Variants in KCNMB2 observed in about 807,000 individuals in gnomAD.
KCNMB2 encodes potassium calcium-activated channel subfamily M regulatory beta subunit 2, also known as calcium-activated potassium channel subunit beta-2.
KCNMB2 carries 9 observed loss-of-function variants against 24.5 expected under a neutral mutation model. The observed-to-expected ratio is 0.37, with a 90% CI of 0.22 to 0.64. The LOEUF (loss-of-function observed/expected upper bound fraction) is 0.64. Among genes scored for constraint, KCNMB2 ranks in the 30% least tolerant of loss-of-function variants. The pLI is 0.63. For missense variants in KCNMB2, 226 were observed against 284.3 expected, an observed-to-expected ratio of 0.79 and a Z score of 1.47; for synonymous variants, 109 against 104.4, an observed-to-expected ratio of 1.04 and a Z score of -0.27.
At chr3:178,681,633 G>A (rs901766178) in intron 1 of KCNMB2, among the ~76,000 whole-genome samples, 2 of 152,146 alleles carry the variant, frequency 1.3e-5, no homozygotes, top group Admixed American at 6.5e-5. Context: ...TTTGTCCAAG[G>A]TCCTACTGCT....
At chr3:178,679,704 C>A (rs773965885) in intron 1 of KCNMB2, among the ~76,000 whole-genome samples, 1 of 152,076 alleles carries the variant, frequency 6.6e-6, no homozygotes, top group Non-Finnish European at 1.5e-5. Flanking sequence ...AAGTTCATGT[C>A]CACTTGCCCT....
chr3:178,566,426 G>A (rs1716521609), intron 1 of KCNMB2, among the ~76,000 whole-genome samples: 1 of 151,744 alleles, frequency 6.6e-6, no homozygotes, highest in African/African-American at 2.4e-5. Context: ...ACGCACACTT[G>A]CACATGTGCA....
intron 1 of KCNMB2, among the ~76,000 whole-genome samples, chr3:178,773,387 C>A (rs946042562): frequency 1.3e-5 from 2 of 151,952 alleles, no homozygotes; most frequent in Non-Finnish European, 2.9e-5. Context: ...GTATTTATAG[C>A]AGTAAATGCT....
intron 1 of KCNMB2, among the ~76,000 whole-genome samples, chr3:178,758,675 T>G (rs373892483): frequency 2.3e-4 from 4 of 17,486 alleles, no homozygotes; most frequent in East Asian, 3.2e-3. Flanking sequence ...TCCAAGAGGA[T>G]ATATATATAT....
At chr3:178,571,463 T>TATATAC (rs1378709814) in intron 1 of KCNMB2, among the ~76,000 whole-genome samples, 1 of 118,224 alleles carries the variant, frequency 8.5e-6, no homozygotes, top group Non-Finnish European at 1.8e-5. Flanking sequence ...TATATATATA[T>TATATAC]ATATATATAT....
intron 4 of KCNMB2, among the ~76,000 whole-genome samples, chr3:178,830,802 A>T (rs1425996258): frequency 6.6e-6 from 1 of 152,156 alleles, no homozygotes; most frequent in East Asian, 1.9e-4. Context: ...TACATTCAAT[A>T]TAGGAATCAT....
chr3:178,760,339 TCCTTCGTTAC>T (rs1711780715), intron 1 of KCNMB2, among the ~76,000 whole-genome samples: 2 of 103,604 alleles, frequency 1.9e-5, no homozygotes, highest in Admixed American at 1.2e-4. Context: ...GATATATATC[TCCTTCGTTAC>T]ATATATATAT....
intron 1 of KCNMB2, among the ~76,000 whole-genome samples, chr3:178,733,060 T>C (rs1408978873): frequency 6.6e-6 from 1 of 152,224 alleles, no homozygotes; most frequent in Non-Finnish European, 1.5e-5. Flanking sequence ...TTGTGTATCT[T>C]TGAAATATTC....
Position 178,786,687 on chromosome 3 carries a change from T to C in KCNMB2, c.-67-20656T>C, listed in dbSNP as rs568396200. Among the ~76,000 whole-genome samples the C allele has an allele frequency of 3.3e-5, 5 of 152,220 alleles. No homozygotes were observed. In the South Asian group the frequency reaches 1.0e-3, roughly 32 times the overall value. On this transcript the variant is annotated intron_variant, in intron 1 of 4. Coordinates refer to ENST00000452583, the MANE Select transcript of KCNMB2 (RefSeq NM_181361.3). ...CACCAACATGGCACATGTATACATATGTAACAAACCTGCACGTTGTGCACA... is the reference window on the plus strand; with the variant it reads ...CACCAACATGGCACATGTATACATACGTAACAAACCTGCACGTTGTGCACA...
At chr3:178,677,964 T>C (rs1721128215) in intron 1 of KCNMB2, among the ~76,000 whole-genome samples, 1 of 152,208 alleles carries the variant, frequency 6.6e-6, no homozygotes, top group African/African-American at 2.4e-5. Context: ...TTAAATGCAT[T>C]ATAATTAGCC....
chr3:178,552,721 C>CT (rs1268495061), intron 1 of KCNMB2, among the ~76,000 whole-genome samples: 1 of 152,056 alleles, frequency 6.6e-6, no homozygotes, highest in Non-Finnish European at 1.5e-5. Flanking sequence ...CTTGCTTTTG[C>CT]TTTTCTCTAA....
chr3:178,715,568 C>T (rs757489751), intron 1 of KCNMB2, among the ~76,000 whole-genome samples: 9 of 152,088 alleles, frequency 5.9e-5, no homozygotes, highest in Non-Finnish European at 1.2e-4. Flanking sequence ...CAAGTTAGGA[C>T]CTATATCACT....
intron 1 of KCNMB2, among the ~76,000 whole-genome samples, chr3:178,592,090 C>T (rs1314678073): frequency 6.6e-6 from 1 of 152,022 alleles, no homozygotes; most frequent in Non-Finnish European, 1.5e-5. Flanking sequence ...GAGTACTTTC[C>T]CTTCATGTCT....
intron 2 of KCNMB2, among the ~76,000 whole-genome samples, chr3:178,816,675 G>GT (rs951195999): frequency 9.9e-5 from 15 of 151,984 alleles, no homozygotes; most frequent in Admixed American, 9.2e-4. Context: ...GTTCTAGAGT[G>GT]TTTTTCATAT....
At chr3:178,758,398 ATATATATATATATATATATC>A (rs1724299181) in intron 1 of KCNMB2, among the ~76,000 whole-genome samples, 1 of 38,486 alleles carries the variant, frequency 2.6e-5, no homozygotes, top group African/African-American at 1.4e-4. Context: ...ATATATATAT[ATATATATATATATATATATC>A]CAAGAGGGGA....
chr3:178,665,645 T>C (rs1456951663), intron 1 of KCNMB2, among the ~76,000 whole-genome samples: 1 of 152,156 alleles, frequency 6.6e-6, no homozygotes, highest in African/African-American at 2.4e-5. Flanking sequence ...ATCTGACATA[T>C]GAGCAAGTTT....
chr3:178,826,007 T>C (rs1714820789), intron 3 of KCNMB2, among the ~76,000 whole-genome samples: 1 of 152,168 alleles, frequency 6.6e-6, no homozygotes, highest in Non-Finnish European at 1.5e-5. Context: ...ATAAGGTAAG[T>C]ATAAATATAC....
intron 1 of KCNMB2, among the ~76,000 whole-genome samples, chr3:178,609,506 T>C (rs1718402458): frequency 6.6e-6 from 1 of 152,182 alleles, no homozygotes; most frequent in Non-Finnish European, 1.5e-5. Context: ...GTCCATTTTT[T>C]ACTTTGGTTG....
At position 178,786,996 on chromosome 3, in the gene KCNMB2, C is replaced by T. The variant is rs183539363; in HGVS notation, c.-67-20347C>T. Among the ~76,000 whole-genome samples the T allele has an allele frequency of 1.9e-3, 293 of 152,178 alleles. 3 individuals carry two copies. The highest frequency in any genetic ancestry group is 6.6e-3 in the African/African-American group (273 of 41,546). ...CAGGTGAAAGGAACCTTAGACTCAT[C>T]TTTTTCAATCCCACATGTTACATAT... On this transcript the variant is annotated intron_variant, in intron 1 of 4. Transcript: ENST00000452583.
Sources: allele counts gnomAD v4.1 joint callset (sites outside exome capture counted in the v4.1 genomes callset), GRCh38; gene constraint gnomAD v4.1.1; transcripts MANE v1.5; gene names NCBI Gene and HGNC (gene_info 2026-07-23, HGNC 2026-07-21).